The following TTC29 variants were observed in gnomAD, a reference collection of about 807,000 sequenced individuals.
TTC29 encodes tetratricopeptide repeat protein 29.
A neutral mutation model predicts 58.1 loss-of-function variants in TTC29; 49 were observed. That is an observed-to-expected ratio of 0.84 (90% CI 0.67 to 1.07). TTC29 has a LOEUF of 1.07. TTC29 is among the 50% of genes least tolerant of loss of function. The pLI is 0.00. For synonymous variants in TTC29, 209 were observed against 196.8 expected, an observed-to-expected ratio of 1.06 and a Z score of -0.52; for missense variants, 582 against 555.6, an observed-to-expected ratio of 1.05 and a Z score of -0.48.
At chr4:146,739,482 A>ATGAT (rs879942267) in intron 11 of TTC29, among the ~76,000 whole-genome samples, 2 of 152,180 alleles carry the variant, frequency 1.3e-5, no homozygotes, top group Non-Finnish European at 2.9e-5. Context: ...CTTACAAATT[A>ATGAT]TGATTGTAAA....
chr4:146,851,002 C>A (rs1046277242), intron 8 of TTC29, among the ~76,000 whole-genome samples: 1 of 152,114 alleles, frequency 6.6e-6, no homozygotes, highest in Non-Finnish European at 1.5e-5. Context: ...CATCAATATG[C>A]TGTATTAACA....
intron 6 of TTC29, among the ~76,000 whole-genome samples, chr4:146,882,076 G>A (rs1438553544): frequency 6.6e-6 from 1 of 152,076 alleles, no homozygotes; most frequent in Non-Finnish European, 1.5e-5. Flanking sequence ...AGGTTTGGGA[G>A]AACCTCACCC....
chr4:146,917,405 C>G (rs1734296383), intron 4 of TTC29, among the ~76,000 whole-genome samples: 1 of 148,580 alleles, frequency 6.7e-6, no homozygotes, highest in African/African-American at 2.4e-5. Context: ...TTAAATATCA[C>G]AGCCATTATA....
intron 4 of TTC29, among the ~76,000 whole-genome samples, chr4:146,920,621 A>G (rs1454795863): frequency 2.7e-5 from 4 of 148,746 alleles, no homozygotes; most frequent in Non-Finnish European, 4.5e-5. Context: ...GTCATGAGAA[A>G]AAAGTATATA....
At chr4:146,788,729 G>A (rs1392174137) in intron 11 of TTC29, among the ~76,000 whole-genome samples, 1 of 151,974 alleles carries the variant, frequency 6.6e-6, no homozygotes, top group Non-Finnish European at 1.5e-5. Flanking sequence ...ATGGAAAAAT[G>A]ATGCTGTCAT....
chr4:146,744,953 T>A (rs1509330), intron 11 of TTC29, among the ~76,000 whole-genome samples: 1 of 152,098 alleles, frequency 6.6e-6, no homozygotes, highest in African/African-American at 2.4e-5. Flanking sequence ...AATAAAAATC[T>A]GCAAATTTAT....
At chr4:146,742,469 C>T (rs192136571) in intron 11 of TTC29, among the ~76,000 whole-genome samples, 157 of 152,218 alleles carry the variant, frequency 1.0e-3, no homozygotes, top group African/African-American at 3.4e-3. Flanking sequence ...ACAGTTTGTC[C>T]AGTAAATACG....
intron 11 of TTC29, among the ~76,000 whole-genome samples, chr4:146,794,208 G>A (rs919608542): frequency 3.9e-5 from 6 of 152,126 alleles, no homozygotes; most frequent in Admixed American, 3.3e-4. Context: ...ATTCACATGA[G>A]AGGTAGTTAA....
chr4:146,819,886 G>A (rs1331636262), intron 10 of TTC29, among the ~76,000 whole-genome samples: 2 of 152,216 alleles, frequency 1.3e-5, no homozygotes, highest in East Asian at 3.9e-4. Context: ...ATGAATCAGG[G>A]TTAGCAGCTC....
chr4:146,719,042 T>C lies in TTC29; in HGVS notation c.1331-11491A>G, dbSNP rs572808747. 3.9e-5 allele frequency among the ~76,000 whole-genome samples: 6 copies of C among 152,268 alleles called. No homozygotes were observed. In the South Asian group the frequency reaches 8.3e-4, roughly 21 times the overall value. ...CACATGTGTGGGTTGATTTATGGGT[T>C]CTCTATTCTGTTCTATTGGTCAATA... is the stretch of plus-strand genomic sequence containing the variant. On this transcript the variant is annotated intron_variant, in intron 11 of 12. Coordinates refer to ENST00000325106, the MANE Select transcript of TTC29 (RefSeq NM_031956.4).
At chr4:146,863,528 A>G (rs915788912) in intron 8 of TTC29, among the ~76,000 whole-genome samples, 1 of 152,216 alleles carries the variant, frequency 6.6e-6, no homozygotes, top group African/African-American at 2.4e-5. Flanking sequence ...TAATCACCCT[A>G]TGTAGCCATT....
intron 11 of TTC29, among the ~76,000 whole-genome samples, chr4:146,742,071 A>G (rs1745194559): frequency 6.6e-6 from 1 of 152,178 alleles, no homozygotes; most frequent in Non-Finnish European, 1.5e-5. Context: ...CAGCTGGTAA[A>G]TGGTGAGGCC....
intron 6 of TTC29, among the ~76,000 whole-genome samples, chr4:146,881,596 A>G (rs1731628689): frequency 6.6e-6 from 1 of 152,154 alleles, no homozygotes. Context: ...TTGCAAAAAC[A>G]AAAGACACTG....
At chr4:146,911,848 T>A (rs943589942) in intron 4 of TTC29, among the ~76,000 whole-genome samples, 1 of 152,144 alleles carries the variant, frequency 6.6e-6, no homozygotes, top group Non-Finnish European at 1.5e-5. Flanking sequence ...ACAGCCCCAC[T>A]CCTCACCTTG....
rs192493477 is a variant in TTC29, at chr4:146,890,740, C to T, written c.586+12804G>A. Among the ~76,000 whole-genome samples the T allele has an allele frequency of 3.2e-4, 49 of 152,306 alleles. 1 individual carries two copies. In the East Asian group the frequency reaches 9.1e-3, roughly 28 times the overall value. On this transcript the variant is annotated intron_variant, in intron 6 of 12. Coordinates refer to ENST00000325106, the MANE Select transcript of TTC29 (RefSeq NM_031956.4). ...GGCCTGGGCTTTGTGGGGTAGAATC[C>T]ATCACTGGGAAAGCTGTCACAAGAC...
chr4:146,838,867 T>G (rs1728673538), intron 8 of TTC29, among the ~76,000 whole-genome samples: 1 of 152,008 alleles, frequency 6.6e-6, no homozygotes, highest in Non-Finnish European at 1.5e-5. Flanking sequence ...TATTAAAACA[T>G]AAAATTCTAC....
intron 11 of TTC29, among the ~76,000 whole-genome samples, chr4:146,744,344 C>A (rs747763100): frequency 3.3e-5 from 5 of 150,664 alleles, no homozygotes; most frequent in Non-Finnish European, 5.9e-5. Flanking sequence ...TCAGCCTGGG[C>A]AACACAGTGA....
chr4:146,887,157 GATA>G (rs1732042185), intron 6 of TTC29, among the ~76,000 whole-genome samples: 1 of 152,086 alleles, frequency 6.6e-6, no homozygotes, highest in African/African-American at 2.4e-5. Flanking sequence ...TGTGCCTATA[GATA>G]ATAATATTTA....
At chr4:146,911,042 T>C (rs1733863035) in intron 4 of TTC29, among the ~76,000 whole-genome samples, 1 of 152,030 alleles carries the variant, frequency 6.6e-6, no homozygotes, top group African/African-American at 2.4e-5. Context: ...TAGAAAACAC[T>C]CATATCCTGC....
Sources: allele counts gnomAD v4.1 joint callset (sites outside exome capture counted in the v4.1 genomes callset), GRCh38; gene constraint gnomAD v4.1.1; transcripts MANE v1.5; gene names NCBI Gene and HGNC (gene_info 2026-07-23, HGNC 2026-07-21).